PTPRM: variants seen among roughly 807,000 people sequenced by gnomAD.
PTPRM encodes protein tyrosine phosphatase receptor type M, also known as receptor-type tyrosine-protein phosphatase mu.
PTPRM carries 47 observed loss-of-function variants against 186.7 expected under a neutral mutation model. The observed-to-expected ratio is 0.25, with a 90% CI of 0.20 to 0.32. PTPRM has a LOEUF of 0.32. Among genes scored for constraint, PTPRM ranks in the 10% least tolerant of loss-of-function variants. The pLI is 1.00. For synonymous variants in PTPRM, 668 were observed against 674.9 expected (o/e 0.99, Z 0.16); for missense variants, 1,494 against 1,865.0 (o/e 0.80, Z 3.66).
intron 2 of PTPRM, among the ~76,000 whole-genome samples, chr18:7,791,762 A>G (rs1351924611): frequency 6.6e-6 from 1 of 152,222 alleles, no homozygotes; most frequent in African/African-American, 2.4e-5. Context: ...TTTAAATTGA[A>G]TATAATGATT....
chr18:7,734,948 CA>C (rs2040736745), intron 1 of PTPRM, among the ~76,000 whole-genome samples: 1 of 152,008 alleles, frequency 6.6e-6, no homozygotes, highest in African/African-American at 2.4e-5. Context: ...ACACGTTAAC[CA>C]AAAATAAAAT....
At chr18:8,241,683 C>T (rs951111162) in intron 14 of PTPRM, among the ~76,000 whole-genome samples, 4 of 152,174 alleles carry the variant, frequency 2.6e-5, no homozygotes, top group Admixed American at 2.6e-4. Flanking sequence ...ACACTGTCTT[C>T]CTCCACTTAT....
chr18:8,161,473 C>G (rs150770093), intron 14 of PTPRM, among the ~76,000 whole-genome samples: 1 of 152,028 alleles, frequency 6.6e-6, no homozygotes, highest in East Asian at 1.9e-4. Flanking sequence ...CAGCTTCAGG[C>G]AAGTATATTA....
chr18:8,122,162 G>A (rs1029698132), intron 13 of PTPRM: 3 of 152,384 alleles, frequency 2.0e-5, no homozygotes, highest in Admixed American at 1.3e-4. Context: ...TACTGATGGG[G>A]ATTCTTCTTG....
chr18:8,236,970 G>T (rs780186462), intron 14 of PTPRM, among the ~76,000 whole-genome samples: 18 of 151,690 alleles, frequency 1.2e-4, no homozygotes, highest in Non-Finnish European at 2.1e-4. Context: ...TGCCTTTTTT[G>T]GTTTTAATGG....
At chr18:8,299,974 C>T (rs2095138543) in intron 20 of PTPRM, among the ~76,000 whole-genome samples, 1 of 152,160 alleles carries the variant, frequency 6.6e-6, no homozygotes, top group Admixed American at 6.5e-5. Flanking sequence ...TCTCAGGACC[C>T]TGAACTTGGG....
chr18:8,366,243 A>G (rs912522981), intron 23 of PTPRM, among the ~76,000 whole-genome samples: 1 of 152,076 alleles, frequency 6.6e-6, no homozygotes, highest in African/African-American at 2.4e-5. Context: ...TCACGTCCAC[A>G]CTGCGTGAGA....
At chr18:7,911,476 G>C (rs1371242640) in intron 4 of PTPRM, among the ~76,000 whole-genome samples, 19 of 152,168 alleles carry the variant, frequency 1.2e-4, no homozygotes, top group Admixed American at 1.2e-3. Context: ...ATTACCTAAT[G>C]ACTAATGATG....
chr18:8,207,270 T>C (rs2093944667), intron 14 of PTPRM, among the ~76,000 whole-genome samples: 1 of 152,148 alleles, frequency 6.6e-6, no homozygotes, highest in Admixed American at 6.5e-5. Flanking sequence ...AGAATAGAAA[T>C]TGGTACAGTT....
chr18:7,977,587 C>A (rs996282039), intron 7 of PTPRM, among the ~76,000 whole-genome samples: 1 of 152,132 alleles, frequency 6.6e-6, no homozygotes, highest in Non-Finnish European at 1.5e-5. Flanking sequence ...CTCTTGAGAG[C>A]AAAGGGTAGG....
intron 1 of PTPRM, among the ~76,000 whole-genome samples, chr18:7,731,541 G>A (rs1175794610): frequency 6.6e-6 from 1 of 152,138 alleles, no homozygotes; most frequent in African/African-American, 2.4e-5. Flanking sequence ...GGCTCTAAGG[G>A]TACATGACTG....
intron 8 of PTPRM, among the ~76,000 whole-genome samples, chr18:8,070,996 C>A (rs1460254168): frequency 6.6e-6 from 1 of 152,178 alleles, no homozygotes; most frequent in Non-Finnish European, 1.5e-5. Flanking sequence ...ACCTACCCAG[C>A]ACCTGCGTAT....
At chr18:8,205,138 A>G (rs2093910380) in intron 14 of PTPRM, among the ~76,000 whole-genome samples, 1 of 152,206 alleles carries the variant, frequency 6.6e-6, no homozygotes, top group Non-Finnish European at 1.5e-5. Context: ...AAAATTAAGA[A>G]TGTGATCTAA....
chr18:8,080,874 A>G (rs998553386), intron 9 of PTPRM, among the ~76,000 whole-genome samples: 1 of 152,178 alleles, frequency 6.6e-6, no homozygotes, highest in African/African-American at 2.4e-5. Context: ...GCTTTTGCTT[A>G]GATTCATTCT....
At chr18:7,880,093 GACA>G (rs2048429526) in intron 2 of PTPRM, among the ~76,000 whole-genome samples, 1 of 152,082 alleles carries the variant, frequency 6.6e-6, no homozygotes, top group Non-Finnish European at 1.5e-5. Flanking sequence ...CTATCATGAG[GACA>G]ACATGAGGGT....
intron 14 of PTPRM, among the ~76,000 whole-genome samples, chr18:8,176,108 T>A (rs1201518653): frequency 6.6e-6 from 1 of 152,202 alleles, no homozygotes; most frequent in African/African-American, 2.4e-5. Context: ...TTGGGAAATT[T>A]AAAAATTTAT....
At chr18:7,727,377 A>G (rs1377895374) in intron 1 of PTPRM, among the ~76,000 whole-genome samples, 1 of 152,156 alleles carries the variant, frequency 6.6e-6, no homozygotes, top group African/African-American at 2.4e-5. Flanking sequence ...AGGCTGCTTT[A>G]TTTCTTCATT....
At chr18:7,907,279 GT>G (rs1256163758) in intron 4 of PTPRM, among the ~76,000 whole-genome samples, 1 of 152,218 alleles carries the variant, frequency 6.6e-6, no homozygotes, top group East Asian at 1.9e-4. Context: ...TGTTGCACCT[GT>G]TATGGTTTCT....
intron 19 of PTPRM, among the ~76,000 whole-genome samples, chr18:8,289,541 T>C (rs909301530): frequency 2.5e-5 from 2 of 81,214 alleles, no homozygotes; most frequent in Admixed American, 1.1e-4. Flanking sequence ...TATACACATA[T>C]ATATATATAC....
Sources: allele counts gnomAD v4.1 joint callset (sites outside exome capture counted in the v4.1 genomes callset), GRCh38; gene constraint gnomAD v4.1.1; transcripts MANE v1.5; gene names NCBI Gene and HGNC (gene_info 2026-07-23, HGNC 2026-07-21).